IL12RB2: variants seen among roughly 807,000 people sequenced by gnomAD.
The protein encoded by IL12RB2 is interleukin 12 receptor subunit beta 2.
IL12RB2 carries 82 observed loss-of-function variants against 89.4 expected under a neutral mutation model. The ratio of observed to expected loss-of-function variants is 0.92; its 90% CI spans 0.77 to 1.10. The LOEUF (loss-of-function observed/expected upper bound fraction) is 1.10, where lower values mean the gene tolerates loss of function less well. Ranked by LOEUF, IL12RB2 falls within the 50% of genes least tolerant of loss-of-function variation. The pLI is 0.00. For missense variants in IL12RB2, 963 were observed against 1,031.9 expected, an observed-to-expected ratio of 0.93 and a Z score of 0.92; for synonymous variants, 368 against 370.1, an observed-to-expected ratio of 0.99 and a Z score of 0.07.
At position 67,320,581 on chromosome 1, in the gene IL12RB2, C is replaced by G. The variant is rs17129774; in HGVS notation, c.76+137C>G. The stretch of plus-strand genomic sequence containing the variant: ...ATCTCTGTCATTTAAGTGGATAAGT[C>G]TGGTTCTGTCTATAACTAATAGTTA... On this transcript the variant is annotated intron_variant, in intron 3 of 16. Transcript: ENST00000674203. 4.1e-4 allele frequency: 590 copies of G among 1,445,676 alleles called. No homozygotes were observed. The African/African-American group carries it at 7.5e-3, about 18-fold the overall frequency. The allele number at this position is 1,445,676 out of a possible 1,614,324, so 89.6% of individuals were successfully genotyped here.
intron 4 of IL12RB2, among the ~76,000 whole-genome samples, chr1:67,322,895 A>G (rs908077275): frequency 3.9e-5 from 6 of 152,212 alleles, no homozygotes; most frequent in African/African-American, 1.4e-4. Flanking sequence ...ATAGCCTTGC[A>G]GGTCCAACCA....
At position 67,350,833 on chromosome 1, in the gene IL12RB2, C is replaced by T. The variant is rs1660748039; in HGVS notation, c.1039-37C>T. 2.5e-6 allele frequency: 4 copies of T among 1,611,260 alleles called. No individual in the cohort carries two copies. In the South Asian group the frequency reaches 4.4e-5, roughly 18 times the overall value. On this transcript the variant is annotated intron_variant, in intron 9 of 16. Transcript: ENST00000674203. ...AGGCACAGAGCATCAGTGATCTTGT[C>T]TGGGAGTAAATAGTGAATAAATGTG...
intron 4 of IL12RB2, among the ~76,000 whole-genome samples, chr1:67,322,936 G>A (rs1331032744): frequency 6.6e-6 from 1 of 152,182 alleles, no homozygotes; most frequent in Non-Finnish European, 1.5e-5. Flanking sequence ...TGGGCCCTGA[G>A]GGATTCCATG....
rs1665648146 is a variant in IL12RB2 at position 67,390,148 on chromosome 1, T to C, written c.2046+20T>C. On this transcript the variant is annotated intron_variant, in intron 16 of 16. Transcript: ENST00000674203. Reference sequence around the variant, plus strand: ...GCAGAGGTAAGGTACAATTCCTCTGTGGTCAGTCAGTGGAGTTCTAGTGAT... The same window carrying C: ...GCAGAGGTAAGGTACAATTCCTCTGCGGTCAGTCAGTGGAGTTCTAGTGAT... 2 of 941,278 alleles carry C rather than the reference T, an allele frequency of 2.1e-6. No homozygotes were observed. The highest frequency in any genetic ancestry group is 1.6e-5 in the African/African-American group (1 of 62,510). The allele number at this position is 941,278 out of a possible 1,614,324, so 58.3% of individuals were successfully genotyped here.
intron 13 of IL12RB2, 99 bp downstream of exon 13, chr1:67,372,882 G>A (rs1003039179): frequency 1.4e-5 from 11 of 814,486 alleles, no homozygotes; most frequent in East Asian, 9.7e-5. Flanking sequence ...ATGTGCTAGC[G>A]CAATGCCTGG....
chr1:67,341,546 A>G (rs77970282), intron 9 of IL12RB2, among the ~76,000 whole-genome samples: 9,269 of 91,490 alleles, frequency 0.1, 391 homozygotes, highest in African/African-American at 0.12. Context: ...AAAGAAAGAA[A>G]GAAAGAAAGA....
intron 15 of IL12RB2, among the ~76,000 whole-genome samples, chr1:67,388,286 G>A (rs1665440258): frequency 6.6e-6 from 1 of 152,176 alleles, no homozygotes; most frequent in Non-Finnish European, 1.5e-5. Flanking sequence ...CTAAGAAGGA[G>A]GGGAAAATGA....
intron 2 of IL12RB2, among the ~76,000 whole-genome samples, chr1:67,319,425 A>G (rs532604907): frequency 4.6e-5 from 7 of 152,248 alleles, no homozygotes; most frequent in Non-Finnish European, 1.0e-4. Context: ...ACAAATAAGT[A>G]AACAAGCTTC....
chr1:67,353,098 A>G (rs1661025191), intron 10 of IL12RB2, among the ~76,000 whole-genome samples: 1 of 152,226 alleles, frequency 6.6e-6, no homozygotes, highest in Non-Finnish European at 1.5e-5. Flanking sequence ...ACCATAAACA[A>G]CCTAAGTGTA....
chr1:67,355,572 C>T lies in IL12RB2; in HGVS notation c.1258+4483C>T, dbSNP rs539649596. Among the ~76,000 whole-genome samples the T allele has an allele frequency of 1.0e-3, 158 of 152,200 alleles. 4 individuals carry two copies. Among genetic ancestry groups the T allele is most frequent in the Non-Finnish European group, 1.4e-3 (95 of 68,014 alleles). ...GCCAGTATGGTCATAAACACAGGCT[C>T]ACAGAGATGGCAGAGACTGGGGCCC... On this transcript the variant is annotated intron_variant, in intron 10 of 16. Transcript: ENST00000674203.
intron 11 of IL12RB2, among the ~76,000 whole-genome samples, 200 bp from the exon 12 acceptor site, chr1:67,372,236 T>G (rs1031643113): frequency 2.0e-5 from 3 of 152,210 alleles, no homozygotes; most frequent in African/African-American, 7.2e-5. Context: ...AGCAGTAACT[T>G]CCAGAAGCCA....
intron 13 of IL12RB2, among the ~76,000 whole-genome samples, chr1:67,376,518 T>C (rs560200772): frequency 3.9e-5 from 6 of 152,294 alleles, no homozygotes; most frequent in African/African-American, 1.4e-4. Context: ...CCGCCAAGGA[T>C]TGAATGGCCT....
chr1:67,334,335 G>A (rs6693065), intron 8 of IL12RB2, among the ~76,000 whole-genome samples: 100,447 of 152,102 alleles, frequency 0.66, 34,936 homozygotes, highest in Non-Finnish European at 0.77. Flanking sequence ...ACGATCTGTC[G>A]CAACTGCTAA....
chr1:67,393,041 G>A (rs1387281215), intron 16 of IL12RB2, among the ~76,000 whole-genome samples: 2 of 152,104 alleles, frequency 1.3e-5, no homozygotes, highest in Non-Finnish European at 2.9e-5. Flanking sequence ...GCCTTGAGAC[G>A]GCCTTAGAAC....
At position 67,328,997 on chromosome 1, in the gene IL12RB2, C is replaced by T. The variant is rs547724691; in HGVS notation, c.665-590C>T. Among the ~76,000 whole-genome samples the T allele has an allele frequency of 3.9e-5, 6 of 152,312 alleles. No individual in the cohort carries two copies. The East Asian group carries it at 9.6e-4, about 24-fold the overall frequency. On this transcript the variant is annotated intron_variant, in intron 6 of 16. Coordinates refer to ENST00000674203, the MANE Select transcript of IL12RB2 (RefSeq NM_001374259.2). ...TGGGCTGCCTGAAGTTCCAACCTCA[C>T]ACTATGTGCTTCTCGCCTCTCTTTC...
chr1:67,377,483 A>T (rs925416505), intron 13 of IL12RB2, among the ~76,000 whole-genome samples: 1 of 152,226 alleles, frequency 6.6e-6, no homozygotes, highest in African/African-American at 2.4e-5. Context: ...GAGCTGAGTC[A>T]TGCAAAAACT....
At chr1:67,372,412 A>G in intron 11 of IL12RB2, 24 bp from the exon 12 acceptor site, 1 of 1,241,758 alleles carries the variant, frequency 8.1e-7, no homozygotes, top group Non-Finnish European at 1.2e-6. Flanking sequence ...CACGGCTGTT[A>G]TGGGAATTCC....
chr1:67,377,590 T>C (rs1664113967), intron 13 of IL12RB2, among the ~76,000 whole-genome samples: 1 of 152,102 alleles, frequency 6.6e-6, no homozygotes, highest in Non-Finnish European at 1.5e-5. Flanking sequence ...AAATGCATAA[T>C]TGACCCTTTA....
At chr1:67,320,954 C>T (rs1275964545) in intron 3 of IL12RB2, among the ~76,000 whole-genome samples, 1 of 131,084 alleles carries the variant, frequency 7.6e-6, no homozygotes, top group Admixed American at 9.2e-5. Flanking sequence ...CATGTGTTCT[C>T]ATTGTTCAAC....
Sources: allele counts gnomAD v4.1 joint callset (sites outside exome capture counted in the v4.1 genomes callset), GRCh38; gene constraint gnomAD v4.1.1; transcripts MANE v1.5; gene names NCBI Gene and HGNC (gene_info 2026-07-23, HGNC 2026-07-21).